KLHDC1: variants seen among roughly 807,000 people sequenced by gnomAD.
The protein encoded by KLHDC1 is kelch domain containing 1.
A neutral mutation model predicts 68.3 loss-of-function variants in KLHDC1; 53 were observed. That is an observed-to-expected ratio of 0.78 (90% CI 0.62 to 0.98). The LOEUF (loss-of-function observed/expected upper bound fraction) is 0.98. KLHDC1 is among the 50% of genes least tolerant of loss of function. The probability of loss-of-function intolerance (pLI) is 0.00; values close to 1 mark genes in which losing one functional copy is unlikely to be tolerated. For synonymous variants in KLHDC1, 148 were observed against 159.0 expected (o/e 0.93, Z 0.52); for missense variants, 470 against 492.3 (o/e 0.95, Z 0.43).
At chr14:49,707,818 T>A (rs923465417) in intron 1 of KLHDC1, 1 of 19,664 alleles carries the variant, frequency 5.1e-5, no homozygotes, top group African/African-American at 6.4e-5. Context: ...GCCTAACTAA[T>A]TTTTTGGTGT....
intron 8 of KLHDC1, among the ~76,000 whole-genome samples, chr14:49,730,101 T>A (rs1031291689): frequency 6.6e-6 from 1 of 151,788 alleles, no homozygotes; most frequent in African/African-American, 2.4e-5. Context: ...AATTCATAAA[T>A]GAAAAGACTG....
At chr14:49,743,687 C>A in intron 11 of KLHDC1, 66 bp from the exon 12 acceptor site, 1 of 910,460 alleles carries the variant, frequency 1.1e-6, no homozygotes, top group South Asian at 1.5e-5. Context: ...AATTAAGAAA[C>A]ATTCAATTAT....
At chr14:49,726,489 A>G (rs1888674442) in intron 6 of KLHDC1, among the ~76,000 whole-genome samples, 1 of 152,244 alleles carries the variant, frequency 6.6e-6, no homozygotes, top group Non-Finnish European at 1.5e-5. Context: ...ATGAGGTGCC[A>G]TCGTCATTCT....
At chr14:49,721,341 C>CT (rs201626819) in intron 4 of KLHDC1, among the ~76,000 whole-genome samples, 2 of 150,946 alleles carry the variant, frequency 1.3e-5, no homozygotes, top group Admixed American at 6.6e-5. Flanking sequence ...CCTTTCTTTC[C>CT]TTTTTTTTTA....
rs756948928 is a variant in KLHDC1, at chr14:49,729,047, A to G, written c.651+38A>G. The G allele has an allele frequency of 3.5e-5, 46 of 1,320,458 alleles. 1 individual carries two copies. Among genetic ancestry groups the G allele is most frequent in the African/African-American group, 5.8e-5 (4 of 69,204 alleles). 81.8% of individuals were successfully genotyped at this position (1,320,458 alleles called of 1,614,324 possible). Reference sequence around the variant, plus strand: ...AATGGAAATGGTATTTTTATGTGCAATGCTCCTTATAAAAATTTATCCTCT... The same window carrying G: ...AATGGAAATGGTATTTTTATGTGCAGTGCTCCTTATAAAAATTTATCCTCT... On this transcript the variant is annotated intron_variant, in intron 7 of 12. Coordinates refer to ENST00000359332, the MANE Select transcript of KLHDC1 (RefSeq NM_172193.3).
chr14:49,740,283 T>G, intron 11 of KLHDC1, 101 bp downstream of exon 11: 1 of 652,716 alleles, frequency 1.5e-6, no homozygotes, highest in Non-Finnish European at 2.7e-6. Flanking sequence ...TTGCAAAATA[T>G]GAAGGGCCTG....
chr14:49,737,517 T>C lies in KLHDC1; in HGVS notation c.897-2581T>C, dbSNP rs373463317. ...ATAAGTTGTGTGGTAATAAAATAAG[T>C]TATGATTTATAATTGTTTTAGGTAT... On this transcript the variant is annotated intron_variant, in intron 10 of 12. Transcript: ENST00000359332. 8.5e-5 allele frequency among the ~76,000 whole-genome samples: 13 copies of C among 152,130 alleles called. No individual in the cohort carries two copies. In the East Asian group the frequency reaches 1.9e-3, roughly 23 times the overall value.
chr14:49,694,334 A>G (rs551145211), intron 1 of KLHDC1, among the ~76,000 whole-genome samples: 76 of 152,254 alleles, frequency 5.0e-4, no homozygotes, highest in Middle Eastern at 6.8e-3. Context: ...TACTGATAGT[A>G]GAACCTACAT....
chr14:49,729,071 C>A, intron 7 of KLHDC1, 62 bp downstream of exon 7: 1 of 1,124,192 alleles, frequency 8.9e-7, no homozygotes, highest in Non-Finnish European at 1.3e-6. Flanking sequence ...AATTTATCCT[C>A]TGATTTCGTG....
At chr14:49,743,862 T>C (rs1349549996) in intron 12 of KLHDC1, 57 bp downstream of exon 12, 2 of 1,029,086 alleles carry the variant, frequency 1.9e-6, no homozygotes, top group Admixed American at 4.7e-5. Flanking sequence ...AATTTCTTTC[T>C]CATTTTTGGG....
intron 4 of KLHDC1, among the ~76,000 whole-genome samples, chr14:49,717,172 A>T (rs1888400794): frequency 6.6e-6 from 1 of 152,198 alleles, no homozygotes; most frequent in African/African-American, 2.4e-5. Context: ...TGCTGCTATC[A>T]ATGTGGCATA....
chr14:49,713,786 C>T (rs1888271013), intron 4 of KLHDC1, among the ~76,000 whole-genome samples: 1 of 117,540 alleles, frequency 8.5e-6, no homozygotes, highest in African/African-American at 3.2e-5. Context: ...ACTCAGGTGG[C>T]TGAGGCAGGA....
chr14:49,697,275 G>C (rs1229574873), intron 1 of KLHDC1, among the ~76,000 whole-genome samples: 1 of 152,156 alleles, frequency 6.6e-6, no homozygotes, highest in Non-Finnish European at 1.5e-5. Flanking sequence ...GGAATAAGGA[G>C]GTCCAAGGAG....
rs898372356 is a variant in KLHDC1, at chr14:49,752,628, C to T, written c.*856C>T. 6.6e-6 allele frequency: 1 copy of T among 152,182 alleles called. No individual in the cohort carries two copies. The highest frequency in any genetic ancestry group is 2.4e-5 in the African/African-American group (1 of 41,402). 9.4% of individuals were successfully genotyped at this position (152,182 alleles called of 1,614,324 possible). A position where few individuals can be genotyped will look rare whatever the true frequency, so the allele number is the denominator to read the frequency against. ...GTAATTTGACTTTATAGAAATCCCT[C>T]AGTTTGGCCCCCACCATTCTACAGA... On this transcript the variant is annotated 3_prime_UTR_variant, in exon 13 of 13. Transcript: ENST00000359332.
chr14:49,704,028 C>T (rs1378751453), intron 1 of KLHDC1, among the ~76,000 whole-genome samples: 1 of 152,176 alleles, frequency 6.6e-6, no homozygotes, highest in Non-Finnish European at 1.5e-5. Context: ...TTGGAAATGT[C>T]AGACTGTTAC....
At chr14:49,732,392 C>T (rs1359415987) in intron 8 of KLHDC1, among the ~76,000 whole-genome samples, 1 of 152,034 alleles carries the variant, frequency 6.6e-6, no homozygotes. Context: ...AGTCTGGTCT[C>T]GAACTCCTGA....
At chr14:49,727,661 A>G (rs1411223597) in intron 6 of KLHDC1, among the ~76,000 whole-genome samples, 5 of 152,178 alleles carry the variant, frequency 3.3e-5, no homozygotes, top group African/African-American at 1.2e-4. Context: ...CCAAAATTTC[A>G]GATCAAGCCT....
intron 10 of KLHDC1, among the ~76,000 whole-genome samples, 186 bp from the exon 11 acceptor site, chr14:49,739,912 G>A (rs1449753336): frequency 6.6e-6 from 1 of 152,064 alleles, no homozygotes; most frequent in Non-Finnish European, 1.5e-5. Flanking sequence ...TCTCTTTAAT[G>A]GTGTGATTTA....
At chr14:49,712,228 C>G (rs963670630) in intron 4 of KLHDC1, among the ~76,000 whole-genome samples, 11 of 151,968 alleles carry the variant, frequency 7.2e-5, no homozygotes, top group Admixed American at 2.0e-4. Flanking sequence ...AATATGTCTT[C>G]CATATATATA....
Sources: gnomAD v4.1 joint callset for allele counts (sites outside exome capture counted in the v4.1 genomes callset) on GRCh38, gnomAD v4.1.1 for gene constraint, MANE v1.5 for transcripts, NCBI Gene and HGNC (gene_info 2026-07-23, HGNC 2026-07-21) for gene names.